DCTN2: variants seen among roughly 807,000 people sequenced by gnomAD.
DCTN2 encodes the protein 50 kDa dynein-associated polypeptide.
DCTN2 carries 18 observed loss-of-function variants against 55.4 expected under a neutral mutation model. That is an observed-to-expected ratio of 0.32 (90% confidence interval 0.22 to 0.48). DCTN2 has a LOEUF of 0.48. DCTN2 is among the 20% of genes least tolerant of loss of function. The pLI is 0.99. For missense variants in DCTN2, 390 were observed against 491.0 expected, an observed-to-expected ratio of 0.79 and a Z score of 1.94; for synonymous variants, 168 against 185.2, an observed-to-expected ratio of 0.91 and a Z score of 0.76.
chr12:57,531,388 G>A (rs1475425978), intron 13 of DCTN2, among the ~76,000 whole-genome samples: 3 of 152,070 alleles, frequency 2.0e-5, no homozygotes, highest in Non-Finnish European at 2.9e-5. Flanking sequence ...GTGGTGGTGC[G>A]TGCCTGTAAT....
In DCTN2 at chr12:57,537,367, A is replaced by G. The variant is rs1482834880; in HGVS notation, c.106-1522T>C. 2.7e-5 allele frequency among the ~76,000 whole-genome samples: 4 copies of G among 150,862 alleles called. No homozygotes were observed. The East Asian group carries it at 7.8e-4, about 29-fold the overall frequency. ...AAAAAGAGAGAGAGAGAAAAGAAAAAAAAAAAAAAAAAAAGGCCTGGGCCC... is the reference window on the plus strand; with the variant it reads ...AAAAAGAGAGAGAGAGAAAAGAAAAGAAAAAAAAAAAAAAGGCCTGGGCCC... On this transcript the variant is annotated intron_variant, in intron 2 of 13. Coordinates refer to ENST00000548249, the MANE Select transcript of DCTN2 (RefSeq NM_001261413.2).
intron 2 of DCTN2, among the ~76,000 whole-genome samples, chr12:57,539,230 T>A (rs1216590719): frequency 1.3e-5 from 2 of 152,252 alleles, no homozygotes; most frequent in Non-Finnish European, 2.9e-5. Flanking sequence ...GAGGCAGAGC[T>A]GCTCCTGGTC....
chr12:57,530,890 C>T, intron 13 of DCTN2, 115 bp from the exon 14 acceptor site: 1 of 910,512 alleles, frequency 1.1e-6, no homozygotes, highest in South Asian at 1.5e-5. Flanking sequence ...ATTTGTGGGC[C>T]ACAGAGGGGG....
In DCTN2 at chr12:57,530,646, A is replaced by G. The variant is rs115928982; in HGVS notation, c.*43T>C. ...CCTATGTAAGCTGTTAACAGAGTTC[A>G]CAGGGGTAGGGATAACCCCTGTTCT... On this transcript the variant is annotated 3_prime_UTR_variant, in exon 14 of 14. Transcript: ENST00000548249. The G allele has an allele frequency of 1.3e-6, 2 of 1,534,680 alleles. No homozygotes were observed. Among genetic ancestry groups the G allele is most frequent in the African/African-American group, 1.4e-5 (1 of 73,256 alleles).
Position 57,530,487 on chromosome 12 carries a change from C to A in DCTN2, c.*202G>T, listed in dbSNP as rs1005750237. 3.9e-5 allele frequency: 20 copies of A among 513,540 alleles called. No homozygotes were observed. Among genetic ancestry groups the A allele is most frequent in the African/African-American group, 3.6e-4 (19 of 52,528 alleles). The allele number at this position is 513,540 out of a possible 1,614,324, so 31.8% of individuals were successfully genotyped here. On this transcript the variant is annotated 3_prime_UTR_variant, in exon 14 of 14. Coordinates refer to ENST00000548249, the MANE Select transcript of DCTN2 (RefSeq NM_001261413.2). ...TCCCCCAGGCCTGAGGGGAGACCACCTTCTGATGATAACCAACCCCTAGCT... is the reference window on the plus strand; with the variant it reads ...TCCCCCAGGCCTGAGGGGAGACCACATTCTGATGATAACCAACCCCTAGCT...
chr12:57,543,893 G>C (rs1305803103), intron 2 of DCTN2: 1 of 1,162,770 alleles, frequency 8.6e-7, no homozygotes, highest in Admixed American at 2.3e-5. Flanking sequence ...ACTAAAATAG[G>C]CTGTTCAGGC....
intron 2 of DCTN2, among the ~76,000 whole-genome samples, chr12:57,541,944 T>A (rs1472929032): frequency 1.3e-5 from 2 of 152,304 alleles, no homozygotes; most frequent in East Asian, 3.9e-4. Context: ...TTAGAAGATT[T>A]TACTTCCTGC....
intron 2 of DCTN2, chr12:57,544,076 G>T (rs888453254): frequency 2.3e-6 from 1 of 435,898 alleles, no homozygotes. Context: ...GTATCACAGC[G>T]ACAAAAGGAC....
At chr12:57,530,861 G>A (rs1359321185) in intron 13 of DCTN2, 86 bp from the exon 14 acceptor site, 5 of 1,166,532 alleles carry the variant, frequency 4.3e-6, no homozygotes, top group Non-Finnish European at 5.1e-6. Context: ...TGAGAGAGAA[G>A]ACAAGAAATG....
intron 5 of DCTN2, chr12:57,534,834 GTT>G: frequency 4.4e-6 from 2 of 457,940 alleles, no homozygotes; most frequent in Non-Finnish European, 7.8e-6. Context: ...ACCTGGCTAA[GTT>G]TTTGTATTTT....
In DCTN2 at chr12:57,530,129, G is replaced by A. The variant is rs1879502608; in HGVS notation, c.*560C>T. The stretch of plus-strand genomic sequence containing the variant: ...GGGAGACACTCTTAATTTAACAGAT[G>A]AGAATATTTTGAAACTCTGGCTCTG... On this transcript the variant is annotated 3_prime_UTR_variant, in exon 14 of 14. Coordinates refer to ENST00000548249, the MANE Select transcript of DCTN2 (RefSeq NM_001261413.2). 6.6e-6 allele frequency: 1 copy of A among 152,498 alleles called. No homozygotes were observed. Among genetic ancestry groups the A allele is most frequent in the African/African-American group, 2.4e-5 (1 of 41,454 alleles). 9.4% of individuals were successfully genotyped at this position (152,498 alleles called of 1,614,324 possible). A position where few individuals can be genotyped will look rare whatever the true frequency, so the allele number is the denominator to read the frequency against.
chr12:57,532,723 C>G lies in DCTN2; in HGVS notation c.852+10G>C. 1 of 1,613,904 alleles carries G rather than the reference C, an allele frequency of 6.2e-7. No individual in the cohort carries two copies. The highest frequency in any genetic ancestry group is 8.5e-7 in the Non-Finnish European group (1 of 1,179,866). ...GCTATCCATAATTTAATTTTCCCTC[C>G]ATTTAATACCTGTAGCCGAGCCTCC... On this transcript the variant is annotated intron_variant, in intron 10 of 13. Transcript: ENST00000548249.
chr12:57,539,794 AGGTG>A (rs746994150), intron 2 of DCTN2, among the ~76,000 whole-genome samples: 9 of 152,080 alleles, frequency 5.9e-5, no homozygotes, highest in Non-Finnish European at 1.2e-4. Context: ...TGGGAGGGCG[AGGTG>A]GGTGGATCAC....
chr12:57,535,660 G>A, intron 3 of DCTN2, 89 bp downstream of exon 3: 1 of 1,514,916 alleles, frequency 6.6e-7, no homozygotes, highest in Non-Finnish European at 9.2e-7. Flanking sequence ...CTTCCCCCAA[G>A]CACAACTCAC....
chr12:57,532,590 A>G lies in DCTN2; in HGVS notation c.906T>C (p.Asp302=), dbSNP rs1450437343. The G allele has an allele frequency of 1.9e-6, 3 of 1,613,884 alleles. No individual in the cohort carries two copies. Among genetic ancestry groups the G allele is most frequent in the African/African-American group, 1.3e-5 (1 of 74,912 alleles). The change falls in exon 11 of 14, where the codon GAT becomes GAC. Residue 302 remains aspartate, a synonymous_variant. Coordinates refer to ENST00000548249, the MANE Select transcript of DCTN2 (RefSeq NM_001261413.2). ...EIAKHKASVE[D]ADTQSKVHQL... ...TCCTGACCTTGCTTTGTGTATCTGC[A>G]TCTTCTACAGAGGCTTTATGCTTGG...
chr12:57,534,355 A>G lies in DCTN2; in HGVS notation c.461T>C (p.Leu154Pro), dbSNP rs1276345443. The G allele has an allele frequency of 1.9e-6, 3 of 1,612,538 alleles. No homozygotes were observed. The highest frequency in any genetic ancestry group is 1.3e-5 in the African/African-American group (1 of 74,880). ...AGCATCTGGTCCCAGCAGCTTCTCCAGGTGGGAAGCAACCAGCTGCTGCTT... is the reference window on the plus strand; with the variant it reads ...AGCATCTGGTCCCAGCAGCTTCTCCGGGTGGGAAGCAACCAGCTGCTGCTT... ...ALKQQLVASH[L>P]EKLLGPDAAI... Residue 154 changes from leucine (L) to proline (P), a missense_variant, in exon 6 of 14, where the codon CTG (leucine) becomes CCG (proline). Coordinates refer to ENST00000548249, the MANE Select transcript of DCTN2 (RefSeq NM_001261413.2).
At chr12:57,539,543 A>AG (rs1434571647) in intron 2 of DCTN2, among the ~76,000 whole-genome samples, 1 of 152,216 alleles carries the variant, frequency 6.6e-6, no homozygotes, top group East Asian at 1.9e-4. Flanking sequence ...AACTGCCAGA[A>AG]GGGGATATCC....
At position 57,532,015 on chromosome 12, in the gene DCTN2, C is replaced by T. The variant is rs777601627; in HGVS notation, c.1119G>A (p.Gln373=). ...SLKDNTTLLT[Q]VQTTMRENLA... is the part of the protein sequence containing the mutation. ...GACAGATCAACAAAGGGGCACACAC[C>T]TGGGTCAAGAGGGTGGTATTGTCCT... The change falls in exon 13 of 14, where the codon CAG becomes CAA. Residue 373 remains glutamine, a splice_region_variant and synonymous_variant. Transcript: ENST00000548249. The T allele has an allele frequency of 6.4e-7, 1 of 1,559,352 alleles. No homozygotes were observed. The highest frequency in any genetic ancestry group is 1.2e-5 in the South Asian group (1 of 84,358).
chr12:57,546,151 C>T (rs1406165231), intron 1 of DCTN2, 55 bp from the exon 2 acceptor site: 2 of 1,504,248 alleles, frequency 1.3e-6, no homozygotes, highest in African/African-American at 1.4e-5. Flanking sequence ...CAACAACACC[C>T]CTTCCCCCAC....
Sources: gnomAD v4.1 joint callset for allele counts (sites outside exome capture counted in the v4.1 genomes callset) on GRCh38, gnomAD v4.1.1 for gene constraint, MANE v1.5 for transcripts, NCBI Gene and HGNC (gene_info 2026-07-23, HGNC 2026-07-21) for gene names.